TARS3: variants seen among roughly 807,000 people sequenced by gnomAD.
TARS3 encodes the protein threonine--tRNA ligase 2, cytoplasmic.
In TARS3, 94 loss-of-function variants were observed where a neutral mutation model predicts 103.5. The ratio of observed to expected loss-of-function variants is 0.91; its 90% CI spans 0.77 to 1.08. The LOEUF (loss-of-function observed/expected upper bound fraction) is 1.08, where lower values mean the gene tolerates loss of function less well. Among genes scored for constraint, TARS3 ranks in the 50% least tolerant of loss-of-function variants. TARS3 has a pLI of 0.00. For missense variants in TARS3, 952 were observed against 995.2 expected (o/e 0.96, Z 0.58); for synonymous variants, 416 against 355.4 (o/e 1.17, Z -1.92).
At chr15:101,693,489 T>C (rs1898825888) in intron 10 of TARS3, among the ~76,000 whole-genome samples, 1 of 152,104 alleles carries the variant, frequency 6.6e-6, no homozygotes, top group Non-Finnish European at 1.5e-5. Flanking sequence ...CAATTCAAGG[T>C]GAGATTTGGG....
At chr15:101,668,878 T>C (rs1897687251) in intron 15 of TARS3, among the ~76,000 whole-genome samples, 1 of 152,218 alleles carries the variant, frequency 6.6e-6, no homozygotes, top group South Asian at 2.1e-4. Context: ...GTGCATACAA[T>C]TATGTACTGT....
intron 3 of TARS3, 124 bp from the exon 4 acceptor site, chr15:101,715,087 TAGGACAGA>T (rs1900076023): frequency 1.3e-6 from 1 of 793,652 alleles, no homozygotes; most frequent in Admixed American, 3.3e-5. Flanking sequence ...CATAAACTAA[TAGGACAGA>T]TATTTCTTGT....
intron 10 of TARS3, among the ~76,000 whole-genome samples, chr15:101,691,680 G>A (rs1445454786): frequency 6.6e-6 from 1 of 152,130 alleles, no homozygotes; most frequent in East Asian, 1.9e-4. Context: ...TTGTGTGTGT[G>A]ACAAGAGCAG....
At chr15:101,705,788 TTGAAA>T (rs1899528681) in intron 6 of TARS3, 41 bp from the exon 7 acceptor site, 4 of 1,478,716 alleles carry the variant, frequency 2.7e-6, no homozygotes, top group African/African-American at 1.4e-5. Flanking sequence ...ACACACAATG[TTGAAA>T]TGAAGAAAAC....
At chr15:101,676,265 G>C (rs368860986) in intron 12 of TARS3, among the ~76,000 whole-genome samples, 1 of 152,146 alleles carries the variant, frequency 6.6e-6, no homozygotes, top group Non-Finnish European at 1.5e-5. Context: ...GGCAATGAAG[G>C]GTTTTTGTTT....
At chr15:101,704,640 G>A (rs1003252926) in intron 7 of TARS3, among the ~76,000 whole-genome samples, 1 of 143,840 alleles carries the variant, frequency 7.0e-6, no homozygotes, top group East Asian at 2.0e-4. Flanking sequence ...GGGCAACAGT[G>A]CAAGACTCCA....
Position 101,653,919 on chromosome 15 carries a change from T to G in TARS3, c.*663A>C, listed in dbSNP as rs970261052. ...CTTAGTGGTGGTAGAAGCCCACAGC[T>G]GAAACGCTGGAAACACTGATGCAAT... On this transcript the variant is annotated 3_prime_UTR_variant, in exon 19 of 19. Transcript: ENST00000335968. 6 of 152,286 alleles carry G rather than the reference T, an allele frequency of 3.9e-5. No individual in the cohort carries two copies. The highest frequency in any genetic ancestry group is 5.9e-5 in the Non-Finnish European group (4 of 68,076). 9.4% of individuals were successfully genotyped at this position (152,286 alleles called of 1,614,324 possible). A position where few individuals can be genotyped will look rare whatever the true frequency, so the allele number is the denominator to read the frequency against.
chr15:101,664,833 T>C (rs575964710), intron 15 of TARS3, among the ~76,000 whole-genome samples: 9 of 152,196 alleles, frequency 5.9e-5, no homozygotes, highest in African/African-American at 2.2e-4. Flanking sequence ...AGGCTAGAAA[T>C]AGCCATTATA....
rs1157791003 is a variant in TARS3, at chr15:101,685,952, G to A, written c.1431C>T (p.Thr477=). The A allele has an allele frequency of 6.2e-7, 1 of 1,614,022 alleles. No individual in the cohort carries two copies. The highest frequency in any genetic ancestry group is 1.1e-5 in the South Asian group (1 of 91,078). Residue 477 remains threonine (T), a synonymous_variant, in exon 11 of 19, where the codon ACC becomes ACT. Coordinates refer to ENST00000335968, the MANE Select transcript of TARS3 (RefSeq NM_152334.3). ...HWQHYSENMF[T]FEIEKDTFAL... Reference sequence around the variant, plus strand: ...CAAAAGTGTCCTTTTCAATCTCAAAGGTAAACATGTTCTCGCTGTAATGCT... The same window carrying A: ...CAAAAGTGTCCTTTTCAATCTCAAAAGTAAACATGTTCTCGCTGTAATGCT...
chr15:101,680,979 A>G (rs1898232858), intron 12 of TARS3, among the ~76,000 whole-genome samples: 2 of 152,148 alleles, frequency 1.3e-5, no homozygotes, highest in South Asian at 4.1e-4. Flanking sequence ...TTCATATGGT[A>G]TGAGGTATGA....
chr15:101,682,192 T>A (rs1478518962), intron 12 of TARS3, among the ~76,000 whole-genome samples: 1 of 152,144 alleles, frequency 6.6e-6, no homozygotes, highest in Non-Finnish European at 1.5e-5. Flanking sequence ...GAGATAATCC[T>A]TACCTAATAT....
In TARS3 at chr15:101,708,901, G is replaced by A; in HGVS notation, c.822C>T (p.Ser274=). 6.3e-7 allele frequency: 1 copy of A among 1,586,932 alleles called. No individual in the cohort carries two copies. The highest frequency in any genetic ancestry group is 1.4e-5 in the African/African-American group (1 of 73,278). ...TCTCCAGGGCTGACAATTCTGTGCT[G>A]GACACTGCTCTAAAAAGAAGAGCAG... is the stretch of plus-strand genomic sequence containing the variant. ...YDMFIEDRAV[S]STELSALENI... The change falls in exon 6 of 19, where the codon TCC becomes TCT. Residue 274 remains serine, a synonymous_variant. Transcript: ENST00000335968.
rs753054447 is a variant in TARS3, at chr15:101,685,875, T to A, written c.1487+21A>T. The A allele has an allele frequency of 3.1e-6, 5 of 1,603,200 alleles. No homozygotes were observed. The East Asian group carries it at 1.1e-4, about 36-fold the overall frequency. ...TGCTATGTGCTCTCATGAAAAGGTC[T>A]GCTTCGCTTTTAATACTCACCAGTG... is the stretch of plus-strand genomic sequence containing the variant. On this transcript the variant is annotated intron_variant, in intron 11 of 18. Coordinates refer to ENST00000335968, the MANE Select transcript of TARS3 (RefSeq NM_152334.3).
chr15:101,721,870 T>C (rs1018459557), intron 2 of TARS3, among the ~76,000 whole-genome samples: 34 of 152,196 alleles, frequency 2.2e-4, no homozygotes, highest in African/African-American at 7.0e-4. Context: ...CATACAACCA[T>C]TGTGTTTTTC....
chr15:101,714,534 A>T (rs559443765), intron 4 of TARS3: 1 of 134,200 alleles, frequency 7.5e-6, no homozygotes, highest in South Asian at 2.4e-4. Flanking sequence ...GAGCCAGGGG[A>T]GGTTGAGGCT....
At chr15:101,719,058 A>T (rs1900312640) in intron 3 of TARS3, among the ~76,000 whole-genome samples, 1 of 152,202 alleles carries the variant, frequency 6.6e-6, no homozygotes, top group Admixed American at 6.5e-5. Context: ...ATCAGGGCCC[A>T]TGGAGGATCA....
chr15:101,721,064 A>G (rs752878594), intron 3 of TARS3, 62 bp downstream of exon 3: 56 of 1,445,454 alleles, frequency 3.9e-5, no homozygotes, highest in Non-Finnish European at 5.1e-5. Context: ...CTAAGAAAAC[A>G]TTTTCACCAG....
chr15:101,717,088 C>T (rs1371039433), intron 3 of TARS3, among the ~76,000 whole-genome samples: 2 of 152,082 alleles, frequency 1.3e-5, no homozygotes, highest in Admixed American at 6.5e-5. Flanking sequence ...AACTCCTGAC[C>T]CCAAGTGATC....
chr15:101,705,020 C>T (rs770658567), intron 7 of TARS3, among the ~76,000 whole-genome samples: 4 of 152,066 alleles, frequency 2.6e-5, no homozygotes, highest in East Asian at 3.9e-4. Flanking sequence ...TCTTCTAAGG[C>T]GGTACTGTGA....
Sources: gnomAD v4.1 joint callset for allele counts (sites outside exome capture counted in the v4.1 genomes callset) on GRCh38, gnomAD v4.1.1 for gene constraint, MANE v1.5 for transcripts, NCBI Gene and HGNC (gene_info 2026-07-23, HGNC 2026-07-21) for gene names.